The following RFX3 variants were observed in gnomAD, a reference collection of about 807,000 sequenced individuals.
RFX3 encodes the protein transcription factor RFX3.
Under a neutral mutation model 98.6 loss-of-function variants are expected in RFX3, and 14 were observed. The observed-to-expected ratio is 0.14, with a 90% confidence interval of 0.09 to 0.22. The LOEUF is 0.22. RFX3 is among the 10% of genes least tolerant of loss of function. RFX3 has a pLI of 1.00. For missense variants in RFX3, 639 were observed against 926.9 expected, an observed-to-expected ratio of 0.69 and a Z score of 4.03; for synonymous variants, 383 against 328.4, an observed-to-expected ratio of 1.17 and a Z score of -1.80.
At chr9:3,296,615 TTGA>T (rs1394398131) in intron 5 of RFX3, among the ~76,000 whole-genome samples, 5 of 152,220 alleles carry the variant, frequency 3.3e-5, no homozygotes, top group African/African-American at 1.2e-4. Flanking sequence ...AACAGGTATT[TTGA>T]TGACTATCAC....
At chr9:3,516,725 A>ACT (rs139117644) in intron 1 of RFX3, among the ~76,000 whole-genome samples, 5,924 of 148,274 alleles carry the variant, frequency 0.04, 314 homozygotes, top group African/African-American at 0.12. Flanking sequence ...TCGCTTTCGC[A>ACT]CTCTCTCTCT....
intron 12 of RFX3, 137 bp downstream of exon 12, chr9:3,266,070 AT>A: frequency 2.0e-6 from 1 of 494,802 alleles, no homozygotes; most frequent in Non-Finnish European, 3.6e-6. Flanking sequence ...AAATACAAAT[AT>A]AAAAATCAGT....
At chr9:3,470,932 C>A (rs1006212452) in intron 1 of RFX3, among the ~76,000 whole-genome samples, 4 of 152,116 alleles carry the variant, frequency 2.6e-5, no homozygotes, top group African/African-American at 9.7e-5. Flanking sequence ...GATAAAAAAT[C>A]TCTGGCTATT....
rs150609394 is a variant in RFX3, at chr9:3,293,253, C to T, written c.555G>A (p.Gln185=). Residue 185 remains glutamine (Q), a synonymous_variant, in exon 6 of 17, where the codon CAG becomes CAA. Coordinates refer to ENST00000617270, the MANE Select transcript of RFX3 (RefSeq NM_001282116.2). The part of the protein sequence containing the change: ...HRSSLLNSHL[Q]WLLDNYETAE... ...CTGTCTCATAATTGTCCAACAGCCA[C>T]TGGAGCTAGGGAAATAAGACACAAT... is the stretch of plus-strand genomic sequence containing the variant. 2 of 1,595,848 alleles carry T rather than the reference C, an allele frequency of 1.3e-6. No individual in the cohort carries two copies. Among genetic ancestry groups the T allele is most frequent in the African/African-American group, 2.7e-5 (2 of 73,962 alleles).
intron 1 of RFX3, among the ~76,000 whole-genome samples, chr9:3,500,607 T>A (rs1815893814): frequency 6.6e-6 from 1 of 152,186 alleles, no homozygotes; most frequent in African/African-American, 2.4e-5. Flanking sequence ...AGTTCTCCTG[T>A]ATGACAAGAA....
chr9:3,521,963 T>A (rs1357976945), intron 1 of RFX3, among the ~76,000 whole-genome samples: 1 of 152,092 alleles, frequency 6.6e-6, no homozygotes, highest in Non-Finnish European at 1.5e-5. Flanking sequence ...AATCTGCAGG[T>A]TCTACCACTT....
chr9:3,502,076 C>A (rs1816083910), intron 1 of RFX3, among the ~76,000 whole-genome samples: 1 of 151,178 alleles, frequency 6.6e-6, no homozygotes, highest in African/African-American at 2.4e-5. Flanking sequence ...ACAGTGAAAC[C>A]CCGTCTCCAC....
intron 15 of RFX3, among the ~76,000 whole-genome samples, chr9:3,233,911 C>T (rs1818805355): frequency 1.3e-5 from 2 of 152,156 alleles, no homozygotes; most frequent in Non-Finnish European, 2.9e-5. Context: ...CTCCCAAGAA[C>T]TGTAAACCAG....
intron 2 of RFX3, among the ~76,000 whole-genome samples, chr9:3,387,424 A>G (rs1467222329): frequency 6.6e-6 from 1 of 152,098 alleles, no homozygotes; most frequent in Non-Finnish European, 1.5e-5. Flanking sequence ...TTACTCAACT[A>G]CTTAAATAGT....
At chr9:3,370,576 C>A (rs1486076868) in intron 2 of RFX3, among the ~76,000 whole-genome samples, 2 of 151,660 alleles carry the variant, frequency 1.3e-5, no homozygotes, top group Non-Finnish European at 2.9e-5. Flanking sequence ...TTGGGACGAG[C>A]CAGAGGAAAG....
At chr9:3,504,921 CATATATTATATATAAT>C (rs1564185740) in intron 1 of RFX3, among the ~76,000 whole-genome samples, 308 of 21,424 alleles carry the variant, frequency 0.014, 19 homozygotes, top group African/African-American at 0.05. Context: ...TATAATATAA[CATATATTATATATAAT>C]ATATATAATA....
chr9:3,521,122 CA>C (rs1161312968), intron 1 of RFX3, among the ~76,000 whole-genome samples: 1 of 151,998 alleles, frequency 6.6e-6, no homozygotes, highest in African/African-American at 2.4e-5. Flanking sequence ...TAAGAATGGA[CA>C]ATTATTGATA....
intron 5 of RFX3, among the ~76,000 whole-genome samples, chr9:3,298,675 T>C (rs1276415078): frequency 6.6e-6 from 1 of 151,820 alleles, no homozygotes; most frequent in Non-Finnish European, 1.5e-5. Flanking sequence ...AAGAATATGT[T>C]GAAAATGGGG....
intron 2 of RFX3, among the ~76,000 whole-genome samples, chr9:3,376,921 G>T (rs969978198): frequency 1.3e-5 from 2 of 152,044 alleles, no homozygotes; most frequent in Non-Finnish European, 2.9e-5. Context: ...TTAGAATGGC[G>T]ATCATTAAAA....
At chr9:3,292,567 C>G (rs1358029020) in intron 6 of RFX3, among the ~76,000 whole-genome samples, 1 of 152,140 alleles carries the variant, frequency 6.6e-6, no homozygotes, top group Non-Finnish European at 1.5e-5. Flanking sequence ...TGATTTTTAA[C>G]TGGCCTCCAG....
intron 1 of RFX3, among the ~76,000 whole-genome samples, chr9:3,479,234 A>G (rs866361546): frequency 2.1e-4 from 32 of 152,152 alleles, no homozygotes; most frequent in African/African-American, 7.7e-4. Context: ...CAGAATTCTA[A>G]AATGGCTGAT....
At chr9:3,463,826 T>C (rs1046201577) in intron 1 of RFX3, among the ~76,000 whole-genome samples, 6 of 151,854 alleles carry the variant, frequency 4.0e-5, no homozygotes, top group Admixed American at 1.3e-4. Context: ...TAAAAAAAAT[T>C]AGCCAGGCAT....
At chr9:3,392,263 G>A (rs1840392842) in intron 2 of RFX3, among the ~76,000 whole-genome samples, 1 of 151,166 alleles carries the variant, frequency 6.6e-6, no homozygotes, top group African/African-American at 2.4e-5. Context: ...CAGAGACATA[G>A]TAAAAAACAA....
At position 3,220,490 on chromosome 9, in the gene RFX3, A is replaced by G. The variant is rs944437194; in HGVS notation, c.*4552T>C. ...TCTAGAGACTATGGTGTGATACTAG[A>G]AAAGTTGATTTTTTTTTTCTGTAAA... On this transcript the variant is annotated 3_prime_UTR_variant, in exon 17 of 17. Transcript: ENST00000617270. 15 of 152,154 alleles carry G rather than the reference A, an allele frequency of 9.9e-5. No individual in the cohort carries two copies. Among genetic ancestry groups the G allele is most frequent in the Non-Finnish European group, 2.1e-4 (14 of 68,036 alleles). 9.4% of individuals were successfully genotyped at this position (152,154 alleles called of 1,614,324 possible). A position where few individuals can be genotyped will look rare whatever the true frequency, so the allele number is the denominator to read the frequency against.
Sources: allele counts gnomAD v4.1 joint callset (sites outside exome capture counted in the v4.1 genomes callset), GRCh38; gene constraint gnomAD v4.1.1; transcripts MANE v1.5; gene names NCBI Gene and HGNC (gene_info 2026-07-23, HGNC 2026-07-21).